The following PLCB1 variants were observed in gnomAD, a reference collection of about 807,000 sequenced individuals.
PLCB1 encodes phospholipase C beta 1.
A neutral mutation model predicts 161.8 loss-of-function variants in PLCB1; 46 were observed. The ratio of observed to expected loss-of-function variants is 0.28; its 90% CI spans 0.22 to 0.36. The LOEUF (loss-of-function observed/expected upper bound fraction) is 0.36, where lower values mean the gene tolerates loss of function less well. Among genes scored for constraint, PLCB1 ranks in the 10% least tolerant of loss-of-function variants. The probability of loss-of-function intolerance (pLI) is 1.00; values close to 1 mark genes in which losing one functional copy is unlikely to be tolerated. For missense variants in PLCB1, 1,016 were observed against 1,472.5 expected (o/e 0.69, Z 5.07); for synonymous variants, 517 against 503.7 (o/e 1.03, Z -0.35).
chr20:8,280,335 CA>C (rs771888171), intron 2 of PLCB1, among the ~76,000 whole-genome samples: 2,242 of 78,914 alleles, frequency 0.028, 46 homozygotes, highest in African/African-American at 0.078. Context: ...AACTCTGTCT[CA>C]AAAAAAAAAA....
chr20:8,781,466 A>G (rs1201646553), intron 27 of PLCB1, among the ~76,000 whole-genome samples: 1 of 151,320 alleles, frequency 6.6e-6, no homozygotes, highest in Non-Finnish European at 1.5e-5. Context: ...AAATCCATAT[A>G]GTTTTCAATT....
chr20:8,683,726 A>G (rs1438998783), intron 9 of PLCB1, among the ~76,000 whole-genome samples: 2 of 152,206 alleles, frequency 1.3e-5, no homozygotes, highest in African/African-American at 4.8e-5. Context: ...TGAGTAAACT[A>G]AATTACCTGT....
intron 10 of PLCB1, among the ~76,000 whole-genome samples, chr20:8,694,430 GT>G (rs1568563458): frequency 1.3e-5 from 2 of 152,040 alleles, no homozygotes; most frequent in Non-Finnish European, 2.9e-5. Context: ...TTATTCTTCA[GT>G]TTTTTTCCCC....
intron 3 of PLCB1, among the ~76,000 whole-genome samples, chr20:8,627,274 G>A (rs1159551822): frequency 6.6e-6 from 1 of 152,132 alleles, no homozygotes; most frequent in Non-Finnish European, 1.5e-5. Flanking sequence ...TTTCTTGGTT[G>A]TGTGTGGTTT....
intron 3 of PLCB1, among the ~76,000 whole-genome samples, chr20:8,607,237 T>C (rs1372232535): frequency 2.0e-5 from 3 of 152,190 alleles, no homozygotes; most frequent in African/African-American, 4.8e-5. Flanking sequence ...CCAACCTCCA[T>C]GAAATAGACT....
chr20:8,559,790 G>C (rs1986084617), intron 3 of PLCB1, among the ~76,000 whole-genome samples: 1 of 151,992 alleles, frequency 6.6e-6, no homozygotes, highest in Admixed American at 6.6e-5. Context: ...GCACCTAAGA[G>C]CTTAAGGTTT....
chr20:8,749,740 C>A (rs148503333), intron 23 of PLCB1, among the ~76,000 whole-genome samples: 1 of 152,112 alleles, frequency 6.6e-6, no homozygotes, highest in South Asian at 2.1e-4. Flanking sequence ...TGCTGAGTAA[C>A]CTGCTGTTAT....
intron 3 of PLCB1, among the ~76,000 whole-genome samples, chr20:8,490,217 G>A (rs938706146): frequency 6.6e-6 from 1 of 152,156 alleles, no homozygotes; most frequent in African/African-American, 2.4e-5. Context: ...TACAAGGGAA[G>A]CAATGTAATC....
At chr20:8,538,167 A>G (rs1004643424) in intron 3 of PLCB1, among the ~76,000 whole-genome samples, 7 of 152,236 alleles carry the variant, frequency 4.6e-5, no homozygotes, top group South Asian at 2.1e-4. Context: ...GCTTGTGATT[A>G]ATCAGCAAAT....
At chr20:8,225,988 G>C (rs1979659616) in intron 2 of PLCB1, among the ~76,000 whole-genome samples, 1 of 152,164 alleles carries the variant, frequency 6.6e-6, no homozygotes, top group Non-Finnish European at 1.5e-5. Flanking sequence ...ACCTGTACAA[G>C]GGTTTTCCTC....
At position 8,633,686 on chromosome 20, in the gene PLCB1, G is replaced by A. The variant is rs150570082; in HGVS notation, c.384+5255G>A. Among the ~76,000 whole-genome samples the A allele has an allele frequency of 3.3e-5, 5 of 152,002 alleles. No homozygotes were observed. In the East Asian group the frequency reaches 9.7e-4, roughly 29 times the overall value. On this transcript the variant is annotated intron_variant, in intron 4 of 31. Transcript: ENST00000338037. ...ACTGAAATGTAGCATACACAGAAAA[G>A]TGCACAGTTTCTTACTCCATACCCT...
At chr20:8,757,266 T>TA (rs1342951912) in intron 24 of PLCB1, 88 bp downstream of exon 24, 2 of 1,364,254 alleles carry the variant, frequency 1.5e-6, no homozygotes, top group African/African-American at 1.4e-5. Context: ...TGTGGGTAGC[T>TA]AAAGCATCAA....
chr20:8,720,233 C>A (rs986807829), intron 14 of PLCB1, among the ~76,000 whole-genome samples: 2 of 152,182 alleles, frequency 1.3e-5, no homozygotes, highest in Admixed American at 1.3e-4. Context: ...ACTACCAGTT[C>A]TCTGCCTCTT....
In PLCB1 at chr20:8,396,570, A is replaced by T. The variant is rs117982570; in HGVS notation, c.246+25120A>T. Among the ~76,000 whole-genome samples, 67 of 152,242 alleles carry T rather than the reference A, an allele frequency of 4.4e-4. No individual in the cohort carries two copies. In the East Asian group the frequency reaches 0.011, roughly 25 times the overall value. On this transcript the variant is annotated intron_variant, in intron 3 of 31. Transcript: ENST00000338037. ...ATTTCAAAAAAATGGGAAGTTGCTC[A>T]GTCCAGTTGAAAAACAAGGTGGGAA... is the stretch of plus-strand genomic sequence containing the variant.
At chr20:8,387,970 C>CTT (rs35435405) in intron 3 of PLCB1, among the ~76,000 whole-genome samples, 61 of 133,116 alleles carry the variant, frequency 4.6e-4, no homozygotes, top group Middle Eastern at 7.9e-3. Context: ...TGTTTTACCA[C>CTT]TTTTTTTAAA....
intron 3 of PLCB1, among the ~76,000 whole-genome samples, chr20:8,498,115 T>C (rs1983252955): frequency 6.6e-6 from 1 of 152,214 alleles, no homozygotes; most frequent in East Asian, 1.9e-4. Flanking sequence ...TCTTTTCTTT[T>C]TGAGATAGAG....
intron 1 of PLCB1, among the ~76,000 whole-genome samples, chr20:8,140,554 C>T (rs1242617506): frequency 6.6e-6 from 1 of 152,038 alleles, no homozygotes; most frequent in African/African-American, 2.4e-5. Flanking sequence ...CCTGCTTACC[C>T]CTGTTCAGTC....
intron 16 of PLCB1, among the ~76,000 whole-genome samples, chr20:8,725,841 A>G (rs540562540): frequency 6.6e-6 from 1 of 152,294 alleles, no homozygotes; most frequent in Non-Finnish European, 1.5e-5. Context: ...AAACAACAGC[A>G]CCAGCTAGAC....
At chr20:8,425,355 C>T (rs1775197) in intron 3 of PLCB1, among the ~76,000 whole-genome samples, 71,088 of 151,842 alleles carry the variant, frequency 0.47, 17,012 homozygotes, top group African/African-American at 0.51. Context: ...AATTTAGTTC[C>T]AGGAAATTGG....
Sources: allele counts gnomAD v4.1 joint callset (sites outside exome capture counted in the v4.1 genomes callset), GRCh38; gene constraint gnomAD v4.1.1; transcripts MANE v1.5; gene names NCBI Gene and HGNC (gene_info 2026-07-23, HGNC 2026-07-21).